The following GPR89B variants were observed in gnomAD, a reference collection of about 807,000 sequenced individuals.
GPR89B encodes the protein golgi pH regulator B.
Under a neutral mutation model 52.4 loss-of-function variants are expected in GPR89B, and 25 were observed. The ratio of observed to expected loss-of-function variants is 0.48; its 90% CI spans 0.35 to 0.67. The LOEUF is 0.67. GPR89B is among the 30% of genes least tolerant of loss of function. The pLI is 0.01. For synonymous variants in GPR89B, 52 were observed against 151.2 expected, an observed-to-expected ratio of 0.34 and a Z score of 4.81; for missense variants, 146 against 450.2, an observed-to-expected ratio of 0.32 and a Z score of 6.11.
chr1:147,946,782 A>G (rs1457842236), intron 5 of GPR89B, among the ~76,000 whole-genome samples: 5 of 152,046 alleles, frequency 3.3e-5, no homozygotes, highest in African/African-American at 4.8e-5. Flanking sequence ...TCTAAATTCT[A>G]TGGGATTACC....
chr1:147,989,846 G>C (rs1307590526), intron 12 of GPR89B, among the ~76,000 whole-genome samples: 2 of 152,284 alleles, frequency 1.3e-5, no homozygotes, highest in Admixed American at 6.5e-5. Flanking sequence ...GGACATTTGG[G>C]TTGGTTCCAA....
intron 1 of GPR89B, among the ~76,000 whole-genome samples, chr1:147,934,465 C>T (rs1440301208): frequency 6.6e-6 from 1 of 152,158 alleles, no homozygotes; most frequent in Non-Finnish European, 1.5e-5. Flanking sequence ...TGTCCAGCCT[C>T]CCTACTTGAT....
chr1:147,946,031 T>G lies in GPR89B; in HGVS notation c.415+1933T>G, dbSNP rs1439179653. On this transcript the variant is annotated intron_variant, in intron 5 of 13. Coordinates refer to ENST00000314163, the MANE Select transcript of GPR89B (RefSeq NM_016334.5). ...ATGAGCCACCACACCCAGCCTCAAGTTTCTAGAGCTGTTCTATCAGCCTGG... is the reference window on the plus strand; with the variant it reads ...ATGAGCCACCACACCCAGCCTCAAGGTTCTAGAGCTGTTCTATCAGCCTGG... Among the ~76,000 whole-genome samples the G allele has an allele frequency of 2.0e-5, 3 of 151,772 alleles. No homozygotes were observed. In the East Asian group the frequency reaches 5.8e-4, roughly 29 times the overall value.
chr1:147,950,034 A>C (rs1484604187), intron 5 of GPR89B, among the ~76,000 whole-genome samples: 7 of 108,282 alleles, frequency 6.5e-5, no homozygotes, highest in South Asian at 3.1e-4. Context: ...TGACCTCCCC[A>C]CCTCCCTCCC....
chr1:147,992,790 T>C lies in GPR89B; in HGVS notation c.1241T>C (p.Leu414Pro). The C allele has an allele frequency of 7.4e-7, 1 of 1,346,146 alleles. No individual in the cohort carries two copies. The highest frequency in any genetic ancestry group is 1.1e-6 in the Non-Finnish European group (1 of 950,366). 83.4% of individuals were successfully genotyped at this position (1,346,146 alleles called of 1,614,324 possible). A position where few individuals can be genotyped will look rare whatever the true frequency, so the allele number is the denominator to read the frequency against. Residue 414 changes from leucine to proline, a missense_variant, in exon 14 of 14, where the codon CTT becomes CCT. Transcript: ENST00000314163. The part of the protein sequence containing the change: ...LEYRTIITEV[L>P]GELQFNFYHR... ...TACCGCACCATAATCACTGAAGTCC[T>C]TGGAGAACTGCAGTTCAACTTCTAT...
At chr1:147,991,190 A>G (rs1659040002) in intron 12 of GPR89B, among the ~76,000 whole-genome samples, 7 of 151,256 alleles carry the variant, frequency 4.6e-5, no homozygotes, top group Admixed American at 4.6e-4. Context: ...ATTCCTAGGT[A>G]TTTTATTCTC....
chr1:147,975,496 G>A (rs1476500115), intron 10 of GPR89B, among the ~76,000 whole-genome samples: 1 of 151,654 alleles, frequency 6.6e-6, no homozygotes, highest in African/African-American at 2.4e-5. Context: ...GTATTTCTGT[G>A]GGATCAGTGG....
At chr1:147,952,965 A>G (rs1444428904) in intron 5 of GPR89B, among the ~76,000 whole-genome samples, 5 of 150,338 alleles carry the variant, frequency 3.3e-5, no homozygotes, top group Non-Finnish European at 7.4e-5. Flanking sequence ...AGTTCCTGCT[A>G]TTTATACTTT....
chr1:147,971,810 G>T (rs1218708754), intron 10 of GPR89B, among the ~76,000 whole-genome samples: 1 of 151,724 alleles, frequency 6.6e-6, no homozygotes, highest in Non-Finnish European at 1.5e-5. Flanking sequence ...GCTTGTTGGG[G>T]TATAACTGAT....
the GPR89B span, among the ~76,000 whole-genome samples, chr1:148,017,656 T>A: frequency 6.7e-6 from 1 of 149,776 alleles, no homozygotes; most frequent in South Asian, 2.1e-4. Context: ...GAGAATGGCG[T>A]GAACCTGGGA....
chr1:147,989,351 T>A (rs1427614776), intron 12 of GPR89B, among the ~76,000 whole-genome samples: 1 of 152,254 alleles, frequency 6.6e-6, no homozygotes, highest in Non-Finnish European at 1.5e-5. Context: ...TTGTTATACA[T>A]CATTTCACTT....
chr1:147,960,280 C>T (rs1199444557), intron 7 of GPR89B, among the ~76,000 whole-genome samples: 10 of 148,970 alleles, frequency 6.7e-5, no homozygotes, highest in African/African-American at 1.0e-4. Context: ...AGAAACAAGA[C>T]GATGTGACCA....
At chr1:148,014,538 G>A in the GPR89B span, 2 of 151,582 alleles carry the variant, frequency 1.3e-5, no homozygotes, top group African/African-American at 4.9e-5. Flanking sequence ...CTCCTCCAGG[G>A]AGAACCCCCT....
intron 1 of GPR89B, among the ~76,000 whole-genome samples, chr1:147,932,050 T>TATGTGTATAAAA (rs1653674814): frequency 6.6e-6 from 1 of 152,206 alleles, no homozygotes; most frequent in Non-Finnish European, 1.5e-5. Context: ...TTGCTTGTTT[T>TATGTGTATAAAA]CTCTTCCATT....
chr1:147,964,096 G>C (rs1218632526), intron 7 of GPR89B, among the ~76,000 whole-genome samples: 19 of 151,846 alleles, frequency 1.3e-4, no homozygotes, highest in African/African-American at 4.6e-4. Context: ...GAAATGTCCC[G>C]TATTGTGACT....
At chr1:148,016,652 T>A in the GPR89B span, among the ~76,000 whole-genome samples, 3 of 151,958 alleles carry the variant, frequency 2.0e-5, no homozygotes, top group South Asian at 6.2e-4. Context: ...GGCTCACACC[T>A]TCAGGAATCA....
intron 10 of GPR89B, among the ~76,000 whole-genome samples, chr1:147,980,080 T>C (rs1290262328): frequency 6.7e-5 from 10 of 148,842 alleles, no homozygotes; most frequent in Non-Finnish European, 1.5e-4. Context: ...AGGGAGACTC[T>C]GTCTCAAAAA....
intron 7 of GPR89B, among the ~76,000 whole-genome samples, chr1:147,959,876 G>A (rs1656403921): frequency 6.6e-6 from 1 of 151,062 alleles, no homozygotes. Flanking sequence ...ACACAGTTTG[G>A]ATGACAGAAA....
chr1:147,985,648 A>T (rs1658609267), intron 10 of GPR89B, among the ~76,000 whole-genome samples: 1 of 150,592 alleles, frequency 6.6e-6, no homozygotes. Context: ...TTTTTTTTTT[A>T]ACGTGGTTGG....
Sources: gnomAD v4.1 joint callset for allele counts (sites outside exome capture counted in the v4.1 genomes callset) on GRCh38, gnomAD v4.1.1 for gene constraint, MANE v1.5 for transcripts, NCBI Gene and HGNC (gene_info 2026-07-23, HGNC 2026-07-21) for gene names.